PPP2R2B: variants seen among roughly 807,000 people sequenced by gnomAD.
The protein encoded by PPP2R2B is protein phosphatase 2 regulatory subunit Bbeta.
Under a neutral mutation model 46.0 loss-of-function variants are expected in PPP2R2B, and 5 were observed. That is an observed-to-expected ratio of 0.11 (90% CI 0.06 to 0.23). The LOEUF is 0.23. Among genes scored for constraint, PPP2R2B ranks in the 10% least tolerant of loss-of-function variants. PPP2R2B has a pLI of 1.00. For synonymous variants in PPP2R2B, 215 were observed against 206.7 expected (o/e 1.04, Z -0.34); for missense variants, 367 against 575.0 (o/e 0.64, Z 3.70).
intron 2 of PPP2R2B, among the ~76,000 whole-genome samples, chr5:146,732,658 T>C (rs1349754036): frequency 1.3e-5 from 2 of 152,256 alleles, no homozygotes; most frequent in Non-Finnish European, 2.9e-5. Context: ...AGGCAACAAA[T>C]ACAACATCAA....
In PPP2R2B at chr5:146,876,887, ACT is replaced by A. The variant is rs796445908; in HGVS notation, c.70+1113_70+1114del. On this transcript the variant is annotated intron_variant, in intron 2 of 9. Transcript: ENST00000394411. ...TCTTTTTATTTCTTTCAGAGCTTGA[ACT>A]CTTTTACTCCCCCCATCACATTTCT... Among the ~76,000 whole-genome samples, 21 of 151,566 alleles carry A rather than the reference ACT, an allele frequency of 1.4e-4. No individual in the cohort carries two copies. In the East Asian group the frequency reaches 1.5e-3, roughly 11 times the overall value.
intron 5 of PPP2R2B, among the ~76,000 whole-genome samples, chr5:146,662,155 A>G (rs1776714160): frequency 6.6e-6 from 1 of 152,194 alleles, no homozygotes. Context: ...ATTACCGTGG[A>G]ATATACAGAA....
intron 2 of PPP2R2B, among the ~76,000 whole-genome samples, chr5:146,755,475 T>C (rs1000637664): frequency 6.6e-6 from 1 of 152,204 alleles, no homozygotes; most frequent in Non-Finnish European, 1.5e-5. Context: ...CACCTTAGCA[T>C]AAGTCATATA....
chr5:146,727,241 TA>T lies in PPP2R2B; in HGVS notation c.71-26100del, dbSNP rs1162247872. ...CCTACAGCTATGTTAAACATTTATT[TA>T]AAAAAAAAAAAGGACAGGAAGGATG... On this transcript the variant is annotated intron_variant, in intron 2 of 9. Transcript: ENST00000394411. Among the ~76,000 whole-genome samples the T allele has an allele frequency of 1.7e-3, 245 of 141,692 alleles. 1 individual carries two copies. The highest frequency in any genetic ancestry group is 3.6e-3 in the Middle Eastern group (1 of 274). 93.0% of individuals were successfully genotyped at this position (141,692 alleles called of 152,430 possible).
intron 1 of PPP2R2B, among the ~76,000 whole-genome samples, chr5:146,930,096 G>A (rs1288611000): frequency 1.3e-5 from 2 of 152,160 alleles, no homozygotes; most frequent in East Asian, 3.8e-4. Context: ...TCTGATAGTG[G>A]CACTATTATG....
chr5:146,838,417 C>T (rs1379575757), intron 2 of PPP2R2B, among the ~76,000 whole-genome samples: 1 of 151,534 alleles, frequency 6.6e-6, no homozygotes, highest in Non-Finnish European at 1.5e-5. Flanking sequence ...ACTAAAAATA[C>T]AAAATTAGCT....
At chr5:147,014,529 A>G (rs1231430356) in intron 1 of PPP2R2B, among the ~76,000 whole-genome samples, 3 of 152,150 alleles carry the variant, frequency 2.0e-5, no homozygotes, top group Admixed American at 2.0e-4. Flanking sequence ...AATGTGGCAC[A>G]TATACACCAT....
At chr5:146,850,601 C>T (rs886459048) in intron 2 of PPP2R2B, among the ~76,000 whole-genome samples, 2 of 152,110 alleles carry the variant, frequency 1.3e-5, no homozygotes, top group African/African-American at 2.4e-5. Flanking sequence ...CCCATCTCCT[C>T]TTCAACAGAG....
chr5:146,803,933 C>A (rs160967), intron 2 of PPP2R2B, among the ~76,000 whole-genome samples: 1 of 151,900 alleles, frequency 6.6e-6, no homozygotes, highest in Non-Finnish European at 1.5e-5. Flanking sequence ...TTTGGGAGGC[C>A]GAGGCAGGCA....
At chr5:146,633,779 T>C (rs1774601863) in intron 7 of PPP2R2B, among the ~76,000 whole-genome samples, 1 of 152,184 alleles carries the variant, frequency 6.6e-6, no homozygotes, top group Non-Finnish European at 1.5e-5. Context: ...TGGGGCTCCC[T>C]GGGTGTGTGG....
chr5:146,923,407 A>C (rs543194160), intron 1 of PPP2R2B, among the ~76,000 whole-genome samples: 14 of 152,340 alleles, frequency 9.2e-5, no homozygotes, highest in African/African-American at 3.4e-4. Flanking sequence ...TGTGTTTGAC[A>C]CGAGTGAACT....
chr5:147,040,173 G>T (rs1426644920), intron 1 of PPP2R2B, among the ~76,000 whole-genome samples: 3 of 152,104 alleles, frequency 2.0e-5, no homozygotes, highest in African/African-American at 7.2e-5. Flanking sequence ...ATCACTGGAA[G>T]CCTCAAACTC....
chr5:146,715,758 T>C (rs1013098708), intron 2 of PPP2R2B, among the ~76,000 whole-genome samples: 1 of 152,158 alleles, frequency 6.6e-6, no homozygotes, highest in African/African-American at 2.4e-5. Flanking sequence ...GTGGGCTGCT[T>C]CTTTTCCCTC....
chr5:147,079,115 T>A (rs1381828522), intron 2 of PPP2R2B, among the ~76,000 whole-genome samples: 1 of 151,998 alleles, frequency 6.6e-6, no homozygotes, highest in Non-Finnish European at 1.5e-5. Context: ...TCTGTCTTCA[T>A]AGGGGCTTTA....
At chr5:146,782,650 T>C (rs1342905372) in intron 2 of PPP2R2B, among the ~76,000 whole-genome samples, 1 of 152,182 alleles carries the variant, frequency 6.6e-6, no homozygotes, top group Non-Finnish European at 1.5e-5. Context: ...CAGTACTCAA[T>C]AGTTGTTTTT....
At chr5:146,777,018 A>G (rs1308829959) in intron 2 of PPP2R2B, among the ~76,000 whole-genome samples, 1 of 152,100 alleles carries the variant, frequency 6.6e-6, no homozygotes, top group Non-Finnish European at 1.5e-5. Context: ...GATGTGGAAA[A>G]ATTGGAATCC....
intron 2 of PPP2R2B, among the ~76,000 whole-genome samples, chr5:146,831,436 G>A (rs1758925605): frequency 7.3e-6 from 1 of 137,584 alleles, no homozygotes; most frequent in Non-Finnish European, 1.5e-5. Flanking sequence ...GACTGAGGTT[G>A]CAGTGAGCCG....
intron 9 of PPP2R2B, among the ~76,000 whole-genome samples, chr5:146,592,464 G>A (rs1770753424): frequency 6.6e-6 from 1 of 152,172 alleles, no homozygotes; most frequent in Non-Finnish European, 1.5e-5. Context: ...GTATTATGAA[G>A]CACTGTTCAA....
intron 1 of PPP2R2B, among the ~76,000 whole-genome samples, chr5:146,887,457 A>C (rs2151426388): frequency 6.6e-6 from 1 of 152,338 alleles, no homozygotes; most frequent in Admixed American, 6.5e-5. Flanking sequence ...AACTATTTAA[A>C]GTTATACAAA....
Sources: gnomAD v4.1 joint callset for allele counts (sites outside exome capture counted in the v4.1 genomes callset) on GRCh38, gnomAD v4.1.1 for gene constraint, MANE v1.5 for transcripts, NCBI Gene and HGNC (gene_info 2026-07-23, HGNC 2026-07-21) for gene names.